LRBA: variants seen among roughly 807,000 people sequenced by gnomAD.
LRBA encodes the protein lipopolysaccharide-responsive and beige-like anchor protein.
LRBA carries 176 observed loss-of-function variants against 330.0 expected under a neutral mutation model. That is an observed-to-expected ratio of 0.53 (90% CI 0.47 to 0.60). The LOEUF is 0.60. Ranked by LOEUF, LRBA falls within the 20% of genes least tolerant of loss-of-function variation. LRBA has a pLI of 0.00. For synonymous variants in LRBA, 1,230 were observed against 1,193.0 expected (o/e 1.03, Z -0.64); for missense variants, 3,259 against 3,444.8 (o/e 0.95, Z 1.35).
chr4:151,013,487 T>G (rs943230784), intron 2 of LRBA: 4 of 152,150 alleles, frequency 2.6e-5, no homozygotes, highest in South Asian at 2.1e-4. Context: ...GGCAACAGAG[T>G]GAGACCTCAT....
intron 22 of LRBA, among the ~76,000 whole-genome samples, chr4:150,863,751 G>A (rs1752296214): frequency 6.6e-6 from 1 of 152,072 alleles, no homozygotes. Context: ...AAACGGATTT[G>A]AAAACTGGAT....
At chr4:150,392,312 C>A (rs1266634215) in intron 47 of LRBA, among the ~76,000 whole-genome samples, 1 of 152,140 alleles carries the variant, frequency 6.6e-6, no homozygotes, top group African/African-American at 2.4e-5. Flanking sequence ...AGCCCTTTTA[C>A]TGGATTGTAG....
chr4:150,338,639 C>G (rs1735058632), intron 48 of LRBA, among the ~76,000 whole-genome samples: 1 of 152,160 alleles, frequency 6.6e-6, no homozygotes, highest in Non-Finnish European at 1.5e-5. Flanking sequence ...CAGTCTTACT[C>G]ACAGACAGCC....
intron 53 of LRBA, among the ~76,000 whole-genome samples, chr4:150,299,795 CAAGA>C: frequency 6.6e-6 from 1 of 151,810 alleles, no homozygotes; most frequent in East Asian, 1.9e-4. Context: ...ATTTTCCCTT[CAAGA>C]AAGAAAAAGT....
chr4:150,633,920 G>GC (rs1777631217), intron 37 of LRBA, among the ~76,000 whole-genome samples: 1 of 152,168 alleles, frequency 6.6e-6, no homozygotes, highest in Admixed American at 6.5e-5. Flanking sequence ...TTCGAGACTA[G>GC]CCTGGCCAAC....
At position 150,908,821 on chromosome 4, in the gene LRBA, G is replaced by C. The variant is rs1466072915; in HGVS notation, c.1198C>G (p.Leu400Val). The C allele has an allele frequency of 6.2e-7, 1 of 1,613,456 alleles. No homozygotes were observed. Among genetic ancestry groups the C allele is most frequent in the Non-Finnish European group, 8.5e-7 (1 of 1,179,732 alleles). ...AATAAAAGTTTGTGATGCTCAGCAAGGAAAAGGTCGCTTTCTGCTTTGAAT... is the reference window on the plus strand; with the variant it reads ...AATAAAAGTTTGTGATGCTCAGCAACGAAAAGGTCGCTTTCTGCTTTGAAT... Reference protein sequence around the residue: ...FKFKAESDLFLAEHHKLLLYD... With the variant: ...FKFKAESDLFVAEHHKLLLYD... The change falls in exon 10 of 57, where the codon CTT becomes GTT. Residue 400 changes from leucine to valine, a missense_variant. Coordinates refer to ENST00000651943, the MANE Select transcript of LRBA (RefSeq NM_001364905.1).
intron 35 of LRBA, among the ~76,000 whole-genome samples, chr4:150,739,304 A>G (rs1000451134): frequency 3.9e-5 from 6 of 152,152 alleles, no homozygotes; most frequent in African/African-American, 1.4e-4. Flanking sequence ...AGAACATTAT[A>G]CCCAGTAAGT....
At chr4:150,682,355 A>G (rs1030311993) in intron 37 of LRBA, among the ~76,000 whole-genome samples, 2 of 152,194 alleles carry the variant, frequency 1.3e-5, no homozygotes, top group Non-Finnish European at 2.9e-5. Flanking sequence ...TGTTATTTCC[A>G]TAACCACTCT....
rs535851357 is a variant in LRBA at position 150,339,781 on chromosome 4, T to C, written c.7362+10211A>G. On this transcript the variant is annotated intron_variant, in intron 48 of 56. Coordinates refer to ENST00000651943, the MANE Select transcript of LRBA (RefSeq NM_001364905.1). ...TTTTTGATGATACACAGTATTCTAC[T>C]GTGTAAATTTACCAATATTTAATTA... Among the ~76,000 whole-genome samples the C allele has an allele frequency of 2.6e-3, 400 of 152,196 alleles. 2 individuals are homozygous for C. Among genetic ancestry groups the C allele is most frequent in the Non-Finnish European group, 4.6e-3 (313 of 68,008 alleles).
At position 150,275,799 on chromosome 4, in the gene LRBA, C is replaced by A. The variant is rs557126117; in HGVS notation, c.8468+2054G>T. 1.8e-4 allele frequency among the ~76,000 whole-genome samples: 28 copies of A among 152,334 alleles called. No individual in the cohort carries two copies. The South Asian group carries it at 5.8e-3, about 32-fold the overall frequency. ...GAGAGGACACAAATAAGTGGAAAAA[C>A]ATTCCATGCTCATGGATAGGAAGAA... On this transcript the variant is annotated intron_variant, in intron 56 of 56. Coordinates refer to ENST00000651943, the MANE Select transcript of LRBA (RefSeq NM_001364905.1).
chr4:150,374,185 G>C (rs529539191), intron 47 of LRBA, among the ~76,000 whole-genome samples: 1 of 152,252 alleles, frequency 6.6e-6, no homozygotes, highest in African/African-American at 2.4e-5. Context: ...CCCTCTATGA[G>C]AGTGAACTAT....
chr4:150,941,900 A>G (rs995074420), intron 2 of LRBA, among the ~76,000 whole-genome samples: 1 of 152,018 alleles, frequency 6.6e-6, no homozygotes, highest in East Asian at 1.9e-4. Flanking sequence ...AAAAATTCTT[A>G]GTAATATTTG....
At chr4:150,861,270 GGTGTGTGT>G (rs35115144) in intron 22 of LRBA, among the ~76,000 whole-genome samples, 27 of 137,878 alleles carry the variant, frequency 2.0e-4, no homozygotes, top group Admixed American at 7.3e-4. Flanking sequence ...CCCAGCTAAT[GGTGTGTGT>G]GTGTGTGTGT....
At chr4:150,456,980 AGGTATGTG>A (rs1754158231) in intron 44 of LRBA, among the ~76,000 whole-genome samples, 1 of 152,084 alleles carries the variant, frequency 6.6e-6, no homozygotes, top group Non-Finnish European at 1.5e-5. Context: ...AGTCCACTGT[AGGTATGTG>A]GATTTGTAAA....
chr4:150,380,003 TAAAAAAAAAA>T lies in LRBA; in HGVS notation c.7195-29854_7195-29845del, dbSNP rs371691815. On this transcript the variant is annotated intron_variant, in intron 47 of 56. Transcript: ENST00000651943. ...CATGGAGAAACCCCATTTCTACTAC[TAAAAAAAAAA>T]AAAAAAAAAAAAAAAATTAGCCAGG... Among the ~76,000 whole-genome samples the T allele has an allele frequency of 1.4e-4, 16 of 115,190 alleles. No homozygotes were observed. The East Asian group carries it at 2.3e-3, about 17-fold the overall frequency. The allele number at this position is 115,190 out of a possible 152,430, so 75.6% of individuals were successfully genotyped here.
chr4:150,917,095 G>A (rs1732706060), intron 5 of LRBA, among the ~76,000 whole-genome samples: 1 of 151,866 alleles, frequency 6.6e-6, no homozygotes, highest in African/African-American at 2.4e-5. Context: ...AGAGTTTGCA[G>A]TGAGCCGAGA....
At chr4:150,767,585 C>T (rs1582288621) in intron 34 of LRBA, among the ~76,000 whole-genome samples, 1 of 151,262 alleles carries the variant, frequency 6.6e-6, no homozygotes, top group Non-Finnish European at 1.5e-5. Flanking sequence ...CGGTGAAATC[C>T]CATCTCTACT....
At chr4:150,931,642 C>G (rs1169240240) in intron 2 of LRBA, among the ~76,000 whole-genome samples, 1 of 150,222 alleles carries the variant, frequency 6.7e-6, no homozygotes, top group Non-Finnish European at 1.5e-5. Flanking sequence ...GTGGTGGGTA[C>G]ATGCAGCCCT....
chr4:150,313,840 G>GTATATATATATA (rs35815992), intron 51 of LRBA, among the ~76,000 whole-genome samples: 2 of 141,990 alleles, frequency 1.4e-5, no homozygotes, highest in African/African-American at 5.1e-5. Context: ...TATATATAAT[G>GTATATATATATA]TATATATATA....
Sources: allele counts gnomAD v4.1 joint callset (sites outside exome capture counted in the v4.1 genomes callset), GRCh38; gene constraint gnomAD v4.1.1; transcripts MANE v1.5; gene names NCBI Gene and HGNC (gene_info 2026-07-23, HGNC 2026-07-21).